The following NTM variants were observed in gnomAD, a reference collection of about 807,000 sequenced individuals.
The protein encoded by NTM is neurotrimin, also known as IgLON family member 2.
In NTM, 13 loss-of-function variants were observed where a neutral mutation model predicts 42.1. The observed-to-expected ratio is 0.31, with a 90% CI of 0.20 to 0.49. The LOEUF (loss-of-function observed/expected upper bound fraction) is 0.49. Ranked by LOEUF, NTM falls within the 20% of genes least tolerant of loss-of-function variation. The pLI, the probability that NTM is intolerant of heterozygous loss-of-function variation, is 0.99. For synonymous variants in NTM, 187 were observed against 179.2 expected (o/e 1.04, Z -0.35); for missense variants, 373 against 452.8 (o/e 0.82, Z 1.60).
chr11:132,107,066 T>C (rs894098830), intron 2 of NTM, among the ~76,000 whole-genome samples: 1 of 152,206 alleles, frequency 6.6e-6, no homozygotes, highest in African/African-American at 2.4e-5. Flanking sequence ...ATGCCTTTTT[T>C]CATTCAGTGT....
At position 132,254,111 on chromosome 11, in the gene NTM, A is replaced by G. The variant is rs568388138; in HGVS notation, c.526+41964A>G. On this transcript the variant is annotated intron_variant, in intron 4 of 8. Coordinates refer to ENST00000683400, the MANE Select transcript of NTM (RefSeq NM_001352005.2). ...CTATCCAGACTCTTCCTGTCCACCA[A>G]CTCTTCTAGATTTGAGCTGCCAAGT... Among the ~76,000 whole-genome samples, 64 of 151,878 alleles carry G rather than the reference A, an allele frequency of 4.2e-4. 1 individual carries two copies. The highest frequency in any genetic ancestry group is 1.4e-3 in the African/African-American group (57 of 41,430).
chr11:132,313,770 C>G (rs1206333300), intron 6 of NTM, among the ~76,000 whole-genome samples: 2 of 152,128 alleles, frequency 1.3e-5, no homozygotes, highest in East Asian at 3.9e-4. Context: ...CTCACTTCCC[C>G]CAACTAACTA....
chr11:132,270,455 C>G (rs907639415), intron 4 of NTM, among the ~76,000 whole-genome samples: 5 of 152,070 alleles, frequency 3.3e-5, no homozygotes, highest in African/African-American at 1.2e-4. Context: ...TCTTGAACTC[C>G]TGACCTCAAG....
At chr11:132,209,841 C>A (rs780193309) in intron 3 of NTM, among the ~76,000 whole-genome samples, 1 of 152,130 alleles carries the variant, frequency 6.6e-6, no homozygotes, top group Non-Finnish European at 1.5e-5. Context: ...TAGCTCAGTG[C>A]AGCACAGATA....
chr11:131,429,975 G>C (rs1244260852), intron 1 of NTM, among the ~76,000 whole-genome samples: 1 of 152,166 alleles, frequency 6.6e-6, no homozygotes, highest in African/African-American at 2.4e-5. Context: ...ACTGTATCTT[G>C]TTCAGTATAC....
intron 1 of NTM, among the ~76,000 whole-genome samples, chr11:131,752,309 C>A (rs190904464): frequency 6.6e-4 from 101 of 152,302 alleles, no homozygotes; most frequent in African/African-American, 2.4e-3. Flanking sequence ...CACTGACCAT[C>A]AGAGAAATGC....
At chr11:131,953,856 A>G (rs1040545960) in intron 2 of NTM, among the ~76,000 whole-genome samples, 2 of 152,196 alleles carry the variant, frequency 1.3e-5, no homozygotes, top group African/African-American at 2.4e-5. Flanking sequence ...GAGAAGAGAG[A>G]TAAATGGTTT....
At chr11:132,314,911 A>G in intron 7 of NTM, 1 of 1,347,060 alleles carries the variant, frequency 7.4e-7, no homozygotes, top group Non-Finnish European at 9.5e-7. Context: ...AGAAAGAACA[A>G]GAGATACAGT....
intron 8 of NTM, among the ~76,000 whole-genome samples, chr11:132,333,398 G>A (rs2095836996): frequency 6.6e-6 from 1 of 152,190 alleles, no homozygotes; most frequent in South Asian, 2.1e-4. Flanking sequence ...TGATTCCAAA[G>A]AATGTGCTCT....
chr11:131,782,632 T>C (rs770286202), intron 1 of NTM, among the ~76,000 whole-genome samples: 3 of 152,088 alleles, frequency 2.0e-5, no homozygotes, highest in Non-Finnish European at 4.4e-5. Flanking sequence ...TCCAGAAATA[T>C]ATAAATAGGA....
At chr11:132,221,772 G>A (rs966321963) in intron 4 of NTM, among the ~76,000 whole-genome samples, 2 of 152,134 alleles carry the variant, frequency 1.3e-5, no homozygotes, top group Non-Finnish European at 2.9e-5. Context: ...TAATAAGTAG[G>A]CATTATTTTT....
chr11:131,489,556 C>A (rs1033913219), intron 1 of NTM, among the ~76,000 whole-genome samples: 1 of 152,208 alleles, frequency 6.6e-6, no homozygotes, highest in Non-Finnish European at 1.5e-5. Context: ...TGCCTTGAAT[C>A]TTCTAGAATT....
chr11:131,682,195 A>G (rs1392096610), intron 1 of NTM, among the ~76,000 whole-genome samples: 1 of 151,998 alleles, frequency 6.6e-6, no homozygotes, highest in Non-Finnish European at 1.5e-5. Flanking sequence ...CCTGATCTGA[A>G]CGCCTTCCTC....
chr11:131,419,891 T>G lies in NTM; in HGVS notation c.82+49003T>G, dbSNP rs1004054937. On this transcript the variant is annotated intron_variant, in intron 1 of 8. Coordinates refer to ENST00000683400, the MANE Select transcript of NTM (RefSeq NM_001352005.2). Reference sequence around the variant, plus strand: ...GTGGGGCAGAGCTGGCTGCCCACCATTTTTGGAGCACTCAGCCTGAGCCAT... The same window carrying G: ...GTGGGGCAGAGCTGGCTGCCCACCAGTTTTGGAGCACTCAGCCTGAGCCAT... 2.0e-5 allele frequency among the ~76,000 whole-genome samples: 3 copies of G among 152,220 alleles called. No homozygotes were observed. The South Asian group carries it at 6.2e-4, about 32-fold the overall frequency.
chr11:132,210,828 T>C (rs568466124), intron 3 of NTM, among the ~76,000 whole-genome samples: 1 of 152,240 alleles, frequency 6.6e-6, no homozygotes, highest in Admixed American at 6.5e-5. Context: ...GAGCACAACA[T>C]AATATAAGCT....
intron 1 of NTM, among the ~76,000 whole-genome samples, chr11:131,596,403 G>T (rs1023454492): frequency 2.6e-5 from 4 of 152,194 alleles, no homozygotes; most frequent in African/African-American, 9.7e-5. Flanking sequence ...GGCATCGTAG[G>T]TAAACAAATG....
intron 1 of NTM, among the ~76,000 whole-genome samples, chr11:131,671,786 G>A (rs955756190): frequency 2.0e-5 from 3 of 152,204 alleles, no homozygotes; most frequent in Admixed American, 1.3e-4. Context: ...CCCTGAGCTC[G>A]CCTCAGAGTA....
intron 4 of NTM, among the ~76,000 whole-genome samples, chr11:132,249,970 T>C (rs1378176824): frequency 6.6e-6 from 1 of 152,248 alleles, no homozygotes; most frequent in Non-Finnish European, 1.5e-5. Context: ...TATCACCTTC[T>C]TTCTGTTTAT....
chr11:131,515,584 C>A (rs867106420), intron 1 of NTM, among the ~76,000 whole-genome samples: 29 of 152,242 alleles, frequency 1.9e-4, no homozygotes, highest in Middle Eastern at 3.4e-3. Flanking sequence ...GGGTTCAAGG[C>A]GAGAATTGTA....
Sources: allele counts gnomAD v4.1 joint callset (sites outside exome capture counted in the v4.1 genomes callset), GRCh38; gene constraint gnomAD v4.1.1; transcripts MANE v1.5; gene names NCBI Gene and HGNC (gene_info 2026-07-23, HGNC 2026-07-21).